Variants in SGCZ observed in about 807,000 individuals in gnomAD.
The protein encoded by SGCZ is sarcoglycan zeta.
A neutral mutation model predicts 41.3 loss-of-function variants in SGCZ; 40 were observed. That is an observed-to-expected ratio of 0.97 (90% confidence interval 0.75 to 1.26). SGCZ has a LOEUF of 1.26. Ranked by LOEUF, SGCZ falls within the 50% of genes most tolerant of loss-of-function variation. The pLI, the probability that SGCZ is intolerant of heterozygous loss-of-function variation, is 0.00. For missense variants in SGCZ, 552 were observed against 369.8 expected, an observed-to-expected ratio of 1.49 and a Z score of -4.04; for synonymous variants, 206 against 137.5, an observed-to-expected ratio of 1.50 and a Z score of -3.49.
intron 1 of SGCZ, among the ~76,000 whole-genome samples, chr8:14,843,545 T>C (rs911352537): frequency 2.0e-5 from 3 of 152,172 alleles, no homozygotes; most frequent in African/African-American, 7.2e-5. Context: ...ATAGTGTTAT[T>C]TCTTCTAGAA....
At chr8:14,218,906 T>C (rs760198493) in intron 4 of SGCZ, among the ~76,000 whole-genome samples, 4 of 152,176 alleles carry the variant, frequency 2.6e-5, no homozygotes, top group African/African-American at 4.8e-5. Context: ...CGACCACCAA[T>C]TGAGTGCAGT....
chr8:15,049,029 C>T (rs1804417457), intron 1 of SGCZ, among the ~76,000 whole-genome samples: 1 of 152,112 alleles, frequency 6.6e-6, no homozygotes, highest in African/African-American at 2.4e-5. Flanking sequence ...TATCAGTATC[C>T]TGAGAAATCA....
At chr8:14,271,466 C>T (rs1486590354) in intron 3 of SGCZ, among the ~76,000 whole-genome samples, 1 of 152,112 alleles carries the variant, frequency 6.6e-6, no homozygotes, top group Non-Finnish European at 1.5e-5. Flanking sequence ...ATAAAATATT[C>T]TGAAGGAGAT....
At chr8:14,305,667 T>C (rs1436814200) in intron 3 of SGCZ, among the ~76,000 whole-genome samples, 1 of 152,150 alleles carries the variant, frequency 6.6e-6, no homozygotes, top group Non-Finnish European at 1.5e-5. Flanking sequence ...CAAGAAATAA[T>C]GATAGTCTTT....
intron 1 of SGCZ, among the ~76,000 whole-genome samples, chr8:14,916,874 T>C (rs933070074): frequency 2.0e-5 from 3 of 152,162 alleles, no homozygotes; most frequent in Non-Finnish European, 2.9e-5. Flanking sequence ...AAAAACAATG[T>C]TTATTCTGTT....
rs182178020 is a variant in SGCZ at position 14,995,530 on chromosome 8, C to A, written c.39+242055G>T. On this transcript the variant is annotated intron_variant, in intron 1 of 7. Transcript: ENST00000382080. Reference sequence around the variant, plus strand: ...CATCTAGAGAGCTGGTTAGTGAGATCAGTTTTGGGCATGTTAATTTTGGGG... The same window carrying A: ...CATCTAGAGAGCTGGTTAGTGAGATAAGTTTTGGGCATGTTAATTTTGGGG... Among the ~76,000 whole-genome samples, 331 of 152,200 alleles carry A rather than the reference C, an allele frequency of 2.2e-3. 1 individual carries two copies. Among genetic ancestry groups the A allele is most frequent in the Non-Finnish European group, 3.3e-3 (225 of 68,020 alleles).
At chr8:14,905,068 T>C (rs17432659) in intron 1 of SGCZ, among the ~76,000 whole-genome samples, 8,792 of 152,012 alleles carry the variant, frequency 0.058, 316 homozygotes, top group Admixed American at 0.08. Context: ...TTCTTGACAC[T>C]ACCCTATACT....
chr8:14,228,862 T>C (rs1344474543), intron 4 of SGCZ, among the ~76,000 whole-genome samples: 1 of 152,180 alleles, frequency 6.6e-6, no homozygotes, highest in African/African-American at 2.4e-5. Context: ...AGATATAGTA[T>C]TCATTGACAT....
chr8:14,417,686 C>A (rs1455633743), intron 2 of SGCZ, among the ~76,000 whole-genome samples: 1 of 151,696 alleles, frequency 6.6e-6, no homozygotes, highest in Non-Finnish European at 1.5e-5. Flanking sequence ...GTATTGTACT[C>A]TTGAAATTTG....
chr8:14,795,244 T>G (rs898741669), intron 1 of SGCZ, among the ~76,000 whole-genome samples: 1 of 152,336 alleles, frequency 6.6e-6, no homozygotes, highest in East Asian at 1.9e-4. Flanking sequence ...CATATGTATA[T>G]TCACACTAAA....
At chr8:14,466,723 G>T (rs1209554626) in intron 2 of SGCZ, among the ~76,000 whole-genome samples, 1 of 151,626 alleles carries the variant, frequency 6.6e-6, no homozygotes, top group Non-Finnish European at 1.5e-5. Flanking sequence ...TACTCTGCCT[G>T]CTCAAGTCTG....
At chr8:14,464,489 T>G (rs1353794768) in intron 2 of SGCZ, among the ~76,000 whole-genome samples, 1 of 148,918 alleles carries the variant, frequency 6.7e-6, no homozygotes, top group Admixed American at 6.7e-5. Flanking sequence ...GAGTGGTATT[T>G]TTTTTTTTTT....
At chr8:14,217,191 G>A (rs1806025884) in intron 4 of SGCZ, among the ~76,000 whole-genome samples, 1 of 151,446 alleles carries the variant, frequency 6.6e-6, no homozygotes, top group South Asian at 2.1e-4. Flanking sequence ...AGCTATTTGG[G>A]AGGCTGAGGC....
intron 1 of SGCZ, among the ~76,000 whole-genome samples, chr8:14,656,023 G>A (rs1303745212): frequency 6.6e-6 from 1 of 152,080 alleles, no homozygotes; most frequent in Non-Finnish European, 1.5e-5. Flanking sequence ...CATCAGGGTT[G>A]CTTCCAGTTT....
intron 4 of SGCZ, among the ~76,000 whole-genome samples, chr8:14,201,800 G>C (rs189134213): frequency 6.6e-6 from 1 of 152,138 alleles, no homozygotes; most frequent in Non-Finnish European, 1.5e-5. Flanking sequence ...TTGTAAAAAT[G>C]TGTTTATAGA....
chr8:14,158,317 C>G (rs1400209855), intron 5 of SGCZ, among the ~76,000 whole-genome samples: 1 of 152,104 alleles, frequency 6.6e-6, no homozygotes, highest in South Asian at 2.1e-4. Context: ...GTAATTTAGG[C>G]TCCTAATAAA....
At chr8:14,969,282 T>C (rs1368314854) in intron 1 of SGCZ, among the ~76,000 whole-genome samples, 1 of 152,176 alleles carries the variant, frequency 6.6e-6, no homozygotes, top group Admixed American at 6.5e-5. Context: ...ACTGGCCTAA[T>C]TGTGTTGTGA....
intron 1 of SGCZ, among the ~76,000 whole-genome samples, chr8:14,617,974 A>G (rs1585129114): frequency 6.6e-6 from 1 of 152,070 alleles, no homozygotes; most frequent in Admixed American, 6.6e-5. Flanking sequence ...CCCTGTTACA[A>G]CTAAAAGTCA....
chr8:14,701,733 G>A (rs1809144323), intron 1 of SGCZ, among the ~76,000 whole-genome samples: 1 of 151,490 alleles, frequency 6.6e-6, no homozygotes, highest in South Asian at 2.1e-4. Context: ...TCTCTCACCA[G>A]CATCAGGTCT....
Sources: allele counts gnomAD v4.1 joint callset (sites outside exome capture counted in the v4.1 genomes callset), GRCh38; gene constraint gnomAD v4.1.1; transcripts MANE v1.5; gene names NCBI Gene and HGNC (gene_info 2026-07-23, HGNC 2026-07-21).